Variants in NTN1 observed in about 807,000 individuals in gnomAD.
The protein encoded by NTN1 is netrin-1.
In NTN1, 11 loss-of-function variants were observed where a neutral mutation model predicts 54.2. The ratio of observed to expected loss-of-function variants is 0.20; its 90% CI spans 0.13 to 0.34. The LOEUF (loss-of-function observed/expected upper bound fraction) is 0.34. NTN1 is among the 10% of genes least tolerant of loss of function. NTN1 has a pLI of 1.00. For synonymous variants in NTN1, 371 were observed against 382.0 expected (o/e 0.97, Z 0.33); for missense variants, 740 against 893.1 (o/e 0.83, Z 2.18).
chr17:9,004,096 T>C, the NTN1 span, among the ~76,000 whole-genome samples: 2 of 151,972 alleles, frequency 1.3e-5, no homozygotes, highest in Non-Finnish European at 2.9e-5. Context: ...GATTAGAAAA[T>C]CAAACGCGCA....
chr17:9,121,867 C>T (rs2092232586), intron 2 of NTN1, among the ~76,000 whole-genome samples: 1 of 152,160 alleles, frequency 6.6e-6, no homozygotes, highest in Non-Finnish European at 1.5e-5. Context: ...AATCAGTCCT[C>T]CTGTCACCTT....
intron 2 of NTN1, among the ~76,000 whole-genome samples, chr17:9,111,727 A>T (rs181711607): frequency 2.3e-4 from 35 of 152,272 alleles, no homozygotes; most frequent in African/African-American, 7.5e-4. Flanking sequence ...TCTTACAATA[A>T]AGTAAACTAG....
chr17:9,068,441 C>G (rs959046055), intron 2 of NTN1, among the ~76,000 whole-genome samples: 1 of 151,768 alleles, frequency 6.6e-6, no homozygotes. Flanking sequence ...TGCATTGGCC[C>G]CCCAAAGCGC....
chr17:9,129,265 G>A (rs1211586876), intron 2 of NTN1, among the ~76,000 whole-genome samples: 1 of 152,026 alleles, frequency 6.6e-6, no homozygotes, highest in African/African-American at 2.4e-5. Context: ...AGTGGCTGGG[G>A]AGGCTGGGCC....
chr17:9,141,112 G>C (rs1490360687), intron 2 of NTN1, among the ~76,000 whole-genome samples: 1 of 152,114 alleles, frequency 6.6e-6, no homozygotes, highest in Non-Finnish European at 1.5e-5. Context: ...TCTGAGATGT[G>C]GGGTGGGCGG....
At chr17:9,069,742 A>G (rs943819771) in intron 2 of NTN1, among the ~76,000 whole-genome samples, 1 of 152,184 alleles carries the variant, frequency 6.6e-6, no homozygotes, top group Non-Finnish European at 1.5e-5. Context: ...ACAAGGTGGC[A>G]GGGGCTTCCA....
At chr17:9,099,025 G>C (rs137993873) in intron 2 of NTN1, among the ~76,000 whole-genome samples, 8 of 152,188 alleles carry the variant, frequency 5.3e-5, no homozygotes, top group Non-Finnish European at 1.0e-4. Context: ...AGTATGCTTT[G>C]CATATTGTTT....
chr17:9,092,617 A>G (rs1286655977), intron 2 of NTN1, among the ~76,000 whole-genome samples: 1 of 151,880 alleles, frequency 6.6e-6, no homozygotes, highest in Admixed American at 6.6e-5. Context: ...TTTTTGAGAC[A>G]GGGTATCACT....
chr17:9,037,825 T>C (rs541717784), intron 2 of NTN1, among the ~76,000 whole-genome samples: 42 of 152,340 alleles, frequency 2.8e-4, no homozygotes, highest in African/African-American at 8.4e-4. Context: ...TCTTTGTCCC[T>C]CAGCCTCCCT....
At chr17:9,004,247 C>G in the NTN1 span, among the ~76,000 whole-genome samples, 2 of 152,252 alleles carry the variant, frequency 1.3e-5, no homozygotes, top group African/African-American at 4.8e-5. Context: ...GGCGACACGG[C>G]AAGCTTCTGG....
intron 2 of NTN1, among the ~76,000 whole-genome samples, chr17:9,102,262 C>T (rs1006885189): frequency 3.0e-4 from 46 of 152,286 alleles, no homozygotes; most frequent in African/African-American, 1.1e-3. Flanking sequence ...GCTTAATTGA[C>T]TCACAGTTCA....
In NTN1 at chr17:9,162,804, C is replaced by T. The variant is rs747079625; in HGVS notation, c.1019-9C>T. 13 of 1,605,886 alleles carry T rather than the reference C, an allele frequency of 8.1e-6. No homozygotes were observed. The highest frequency in any genetic ancestry group is 1.1e-5 in the South Asian group (1 of 90,756). ...TGCGGCTGACACCTCTCTCTGTCTC[C>T]CCCTGCAGCCTGTAACTGCAACCTG... On this transcript the variant is annotated splice_polypyrimidine_tract_variant and intron_variant, in intron 2 of 6. Coordinates refer to ENST00000173229, the MANE Select transcript of NTN1 (RefSeq NM_004822.3).
chr17:9,023,443 G>A (rs960778263), intron 2 of NTN1, 52 bp downstream of exon 2: 3 of 1,339,176 alleles, frequency 2.2e-6, no homozygotes, highest in Non-Finnish European at 2.9e-6. Context: ...GCGGGCGGGA[G>A]CTGCTGGGCC....
In NTN1 at chr17:9,243,108, C is replaced by G. The variant is rs182837678; in HGVS notation, c.*3140C>G. 6.6e-6 allele frequency: 1 copy of G among 152,226 alleles called. No homozygotes were observed. The highest frequency in any genetic ancestry group is 1.9e-4 in the East Asian group (1 of 5,190). 9.4% of individuals were successfully genotyped at this position (152,226 alleles called of 1,614,324 possible). ...CAGCTGAGTGCCTGCTTTACGGACA[C>G]GCAGTAATGCCGAAGATTTGCGGGG... is the stretch of plus-strand genomic sequence containing the variant. On this transcript the variant is annotated 3_prime_UTR_variant, in exon 7 of 7. Coordinates refer to ENST00000173229, the MANE Select transcript of NTN1 (RefSeq NM_004822.3).
chr17:9,213,854 T>C (rs1905162818), intron 5 of NTN1, among the ~76,000 whole-genome samples: 1 of 152,228 alleles, frequency 6.6e-6, no homozygotes, highest in African/African-American at 2.4e-5. Flanking sequence ...TTTAATTTGC[T>C]CCTTTATGTT....
intron 2 of NTN1, among the ~76,000 whole-genome samples, chr17:9,079,381 T>C (rs1190330488): frequency 6.6e-6 from 1 of 152,220 alleles, no homozygotes; most frequent in African/African-American, 2.4e-5. Context: ...CCCTTAAAAA[T>C]GTGTCTGTAC....
chr17:9,136,038 CT>C (rs2092280047), intron 2 of NTN1, among the ~76,000 whole-genome samples: 1 of 152,222 alleles, frequency 6.6e-6, no homozygotes, highest in African/African-American at 2.4e-5. Flanking sequence ...TCGTGTCCCC[CT>C]GGTGCGATGA....
intron 2 of NTN1, among the ~76,000 whole-genome samples, chr17:9,064,202 C>A (rs1019629048): frequency 7.9e-5 from 12 of 152,038 alleles, no homozygotes; most frequent in Admixed American, 6.6e-5. Context: ...ATTCATTCAT[C>A]GGTCCATGCT....
chr17:9,234,936 G>GTT (rs913113866), intron 6 of NTN1, among the ~76,000 whole-genome samples: 1 of 147,428 alleles, frequency 6.8e-6, no homozygotes, highest in African/African-American at 2.5e-5. Context: ...AATTTGTTGG[G>GTT]TTTTTTTTGT....
Sources: gnomAD v4.1 joint callset for allele counts (sites outside exome capture counted in the v4.1 genomes callset) on GRCh38, gnomAD v4.1.1 for gene constraint, MANE v1.5 for transcripts, NCBI Gene and HGNC (gene_info 2026-07-23, HGNC 2026-07-21) for gene names.